The following PCSK4 variants were observed in gnomAD, a reference collection of about 807,000 sequenced individuals.
The protein encoded by PCSK4 is testicular tissue protein Li 135.
A neutral mutation model predicts 80.3 loss-of-function variants in PCSK4; 64 were observed. The ratio of observed to expected loss-of-function variants is 0.80; its 90% CI spans 0.65 to 0.98. PCSK4 has a LOEUF of 0.98. Ranked by LOEUF, PCSK4 falls within the 50% of genes least tolerant of loss-of-function variation. PCSK4 has a pLI of 0.00. For missense variants in PCSK4, 1,213 were observed against 1,093.6 expected, an observed-to-expected ratio of 1.11 and a Z score of -1.54; for synonymous variants, 561 against 487.6, an observed-to-expected ratio of 1.15 and a Z score of -1.98.
exon 13 of PCSK4, chr19:1,482,963 G>C (rs1302606556): frequency 6.8e-7 from 1 of 1,468,008 alleles, no homozygotes; most frequent in South Asian, 1.1e-5. Flanking sequence ...TCTCATCCCA[G>C]AAGTGGGTGG....
chr19:1,488,123 G>A (rs750055946), intron 3 of PCSK4, 31 bp from the exon 4 acceptor site: 2 of 1,612,820 alleles, frequency 1.2e-6, no homozygotes, highest in Non-Finnish European at 1.7e-6. Context: ...GTGACCCTGT[G>A]AGGGCCTGGA....
chr19:1,489,665 C>T, intron 2 of PCSK4, 128 bp downstream of exon 2: 1 of 1,453,584 alleles, frequency 6.9e-7, no homozygotes, highest in Non-Finnish European at 9.1e-7. Context: ...ACTTGGGGCC[C>T]GGGCGGGTCT....
At chr19:1,490,175 A>T in exon 1 of PCSK4, 1 of 1,613,728 alleles carries the variant, frequency 6.2e-7, no homozygotes, top group Non-Finnish European at 8.5e-7. Flanking sequence ...AGGTTGACGA[A>T]GCCGAATTTG....
chr19:1,482,892 T>G lies in PCSK4; in HGVS notation c.1696+4A>C. The stretch of plus-strand genomic sequence containing the variant: ...CGCCCACCACAGCCCCGCCCCGCCC[T>G]CACCCGTGTTGAAATAGTAGCCCTT... On this transcript the variant is annotated splice_donor_region_variant and intron_variant, in intron 13 of 14. Coordinates refer to ENST00000300954, the Ensembl canonical transcript of PCSK4. 6 of 932,748 alleles carry G rather than the reference T, an allele frequency of 6.4e-6. No homozygotes were observed. The highest frequency in any genetic ancestry group is 9.6e-6 in the Non-Finnish European group (6 of 623,502). 57.8% of individuals were successfully genotyped at this position (932,748 alleles called of 1,614,324 possible). A position where few individuals can be genotyped will look rare whatever the true frequency, so the allele number is the denominator to read the frequency against.
At chr19:1,488,431 C>T (rs574314786) in intron 2 of PCSK4, 151 bp from the exon 3 acceptor site, 7 of 628,140 alleles carry the variant, frequency 1.1e-5, no homozygotes, top group Middle Eastern at 4.3e-4. Flanking sequence ...TGTCTGCAGT[C>T]GGAAGGGGTC....
At chr19:1,484,861 G>T (rs190270852) in intron 8 of PCSK4, among the ~76,000 whole-genome samples, 6 of 151,994 alleles carry the variant, frequency 3.9e-5, no homozygotes, top group Admixed American at 1.3e-4. Flanking sequence ...AAGTACCAAG[G>T]ACTGGCCACA....
In PCSK4 at chr19:1,482,409, C is replaced by T. The variant is rs763735015; in HGVS notation, c.1763G>A (p.Gly588Asp). ...ACACGCGCTGCTGGTCACCTGGGGG[C>T]CTGTAGGCCGCGCTGTCATGTCCTC... The change falls in exon 14 of 15, where the codon GGC (glycine) becomes GAC (aspartate). Residue 588 changes from glycine (G) to aspartate (D), a missense_variant. Physicochemically the swap from Gly to Asp is moderately conservative, Grantham distance 94. Coordinates refer to ENST00000300954, the Ensembl canonical transcript of PCSK4. The T allele has an allele frequency of 3.1e-6, 5 of 1,604,678 alleles. No homozygotes were observed. Among genetic ancestry groups the T allele is most frequent in the Non-Finnish European group, 3.4e-6 (4 of 1,178,496 alleles).
rs1187882142 is a variant in PCSK4 at position 1,482,219 on chromosome 19, C to G, written c.1820-12G>C. On this transcript the variant is annotated splice_polypyrimidine_tract_variant and intron_variant, in intron 14 of 14. Transcript: ENST00000300954. ...GGGGCCGTCACACGCTGCTCGGGGA[C>G]ACGCACGCAAAGGCCCGTCAGCTTG... 2 of 1,527,048 alleles carry G rather than the reference C, an allele frequency of 1.3e-6. No homozygotes were observed. Among genetic ancestry groups the G allele is most frequent in the South Asian group, 2.4e-5 (2 of 83,078 alleles). 94.6% of individuals were successfully genotyped at this position (1,527,048 alleles called of 1,614,324 possible).
In PCSK4 at chr19:1,482,973, G is replaced by A. The variant is rs759518526; in HGVS notation, c.1619C>T (p.Ser540Phe). The change falls in exon 13 of 15, where the codon TCC becomes TTC. Residue 540 changes from serine (S) to phenylalanine (F), a missense_variant. Transcript: ENST00000300954. ...TGGGTTCTCATCCCAGAAGTGGGTG[G>A]ACATGAAGACCCAGTTGTTGTAGCC... is the stretch of plus-strand genomic sequence containing the variant. The A allele has an allele frequency of 3.4e-6, 5 of 1,474,010 alleles. No homozygotes were observed. The African/African-American group carries it at 7.1e-5, about 21-fold the overall frequency. 91.3% of individuals were successfully genotyped at this position (1,474,010 alleles called of 1,614,324 possible).
upstream of PCSK4, chr19:1,490,686 G>A: frequency 3.3e-6 from 1 of 307,020 alleles, no homozygotes; most frequent in Non-Finnish European, 6.0e-6. Context: ...CCTCCTTCGA[G>A]AATCAGCCCG....
chr19:1,487,668 TC>T lies in PCSK4; in HGVS notation c.616del (p.Glu206ArgfsTer40). On this transcript the variant is annotated frameshift_variant, in exon 6 of 15. Transcript: ENST00000300954. LOFTEE classifies it high-confidence loss of function. ...GCCATTGTTGGCCATCGCGGCCACC[TC>T]CCCAGCACAGCGGGTCCCGTGCCTG... is the stretch of plus-strand genomic sequence containing the variant. 1 of 1,555,268 alleles carries T rather than the reference TC, an allele frequency of 6.4e-7. No homozygotes were observed.
At chr19:1,485,939 C>A (rs1429081063) in intron 8 of PCSK4, among the ~76,000 whole-genome samples, 1 of 149,484 alleles carries the variant, frequency 6.7e-6, no homozygotes, top group Middle Eastern at 3.2e-3. Context: ...CCAAAGTGAG[C>A]TGTTGCGCCC....
At chr19:1,481,558 C>A in exon 15 of PCSK4, 2 of 457,922 alleles carry the variant, frequency 4.4e-6, no homozygotes, top group Non-Finnish European at 7.7e-6. Context: ...CCAGCCCACT[C>A]CCGCCCAAAC....
exon 15 of PCSK4, chr19:1,481,973 C>A: frequency 6.3e-7 from 1 of 1,596,014 alleles, no homozygotes; most frequent in Non-Finnish European, 8.5e-7. Flanking sequence ...GGTGGTGGGT[C>A]CCATGCAGGA....
Position 1,487,074 on chromosome 19 carries a change from C to T in PCSK4, c.856-9G>A, listed in dbSNP as rs1319346065. 5 of 1,603,992 alleles carry T rather than the reference C, an allele frequency of 3.1e-6. No homozygotes were observed. Among genetic ancestry groups the T allele is most frequent in the Non-Finnish European group, 4.2e-6 (5 of 1,179,068 alleles). On this transcript the variant is annotated splice_polypyrimidine_tract_variant and intron_variant, in intron 7 of 14. Coordinates refer to ENST00000300954, the Ensembl canonical transcript of PCSK4. ...CCCAGCCCGCCGCGGCCCTGGGAAACCAGGAGGGGCGGGGAGGGGGCGTCG... is the reference window on the plus strand; with the variant it reads ...CCCAGCCCGCCGCGGCCCTGGGAAATCAGGAGGGGCGGGGAGGGGGCGTCG...
At position 1,488,190 on chromosome 19, in the gene PCSK4, TG is replaced by T; in HGVS notation, c.384del (p.Tyr128Ter). The T allele has an allele frequency of 6.2e-7, 1 of 1,613,604 alleles. No individual in the cohort carries two copies. The highest frequency in any genetic ancestry group is 8.5e-7 in the Non-Finnish European group (1 of 1,179,896). On this transcript the variant is annotated frameshift_variant, in exon 3 of 15. Coordinates refer to ENST00000300954, the Ensembl canonical transcript of PCSK4. LOFTEE classifies it high-confidence loss of function. ...ACCCACCCTGGCTGCCTGCTCACCA[TG>T]TACCACTGCTTGGAGAACCAGGGGT...
intron 8 of PCSK4, among the ~76,000 whole-genome samples, chr19:1,484,934 C>T (rs1213624046): frequency 6.6e-6 from 1 of 151,934 alleles, no homozygotes; most frequent in Non-Finnish European, 1.5e-5. Context: ...TGTTTGAGCT[C>T]AGGAGTTTGA....
rs532894250 is a variant in PCSK4 at position 1,483,524 on chromosome 19, G to A, written c.1392-61C>T. ...CTGCTGGGGGGTGGGTGGGCGGCCA[G>A]CAGGCGAGGTCGGGGCTCAGAGGTC... On this transcript the variant is annotated intron_variant, in intron 11 of 14. Coordinates refer to ENST00000300954, the Ensembl canonical transcript of PCSK4. 59 of 1,428,406 alleles carry A rather than the reference G, an allele frequency of 4.1e-5. No homozygotes were observed. The African/African-American group carries it at 7.3e-4, about 18-fold the overall frequency. 88.5% of individuals were successfully genotyped at this position (1,428,406 alleles called of 1,614,324 possible). A position where few individuals can be genotyped will look rare whatever the true frequency, so the allele number is the denominator to read the frequency against.
In PCSK4 at chr19:1,490,369, C is replaced by T. The variant is rs150787897; in HGVS notation, c.-23G>A. 2,047 of 953,324 alleles carry T rather than the reference C, an allele frequency of 2.1e-3. 40 individuals carry two copies. The African/African-American group carries it at 0.032, about 15-fold the overall frequency. The allele number at this position is 953,324 out of a possible 1,614,324, so 59.1% of individuals were successfully genotyped here. A position where few individuals can be genotyped will look rare whatever the true frequency, so the allele number is the denominator to read the frequency against. On this transcript the variant is annotated 5_prime_UTR_variant, in exon 1 of 15. Coordinates refer to ENST00000300954, the Ensembl canonical transcript of PCSK4. ...CATGGAGGCGGGGCGGGAGCGGGGC[C>T]TGCGCAAATCCCCTCCCTCCCGCCA...
Sources: gnomAD v4.1 joint callset for allele counts (sites outside exome capture counted in the v4.1 genomes callset) on GRCh38, gnomAD v4.1.1 for gene constraint, MANE v1.5 for transcripts, NCBI Gene and HGNC (gene_info 2026-07-23, HGNC 2026-07-21) for gene names.